GFRA2: variants seen among roughly 807,000 people sequenced by gnomAD.
The protein encoded by GFRA2 is GDNF family receptor alpha-2.
A neutral mutation model predicts 48.3 loss-of-function variants in GFRA2; 17 were observed. That is an observed-to-expected ratio of 0.35 (90% CI 0.24 to 0.53). The LOEUF (loss-of-function observed/expected upper bound fraction) is 0.53. Among genes scored for constraint, GFRA2 ranks in the 20% least tolerant of loss-of-function variants. GFRA2 has a pLI of 0.93. For synonymous variants in GFRA2, 305 were observed against 257.2 expected, an observed-to-expected ratio of 1.19 and a Z score of -1.78; for missense variants, 660 against 637.3, an observed-to-expected ratio of 1.04 and a Z score of -0.38.
intron 3 of GFRA2, among the ~76,000 whole-genome samples, chr8:21,759,485 A>AGAAGGAAGGAAGGAAGGAAGGAAGGAAG (rs1161834899): frequency 2.8e-5 from 2 of 71,776 alleles, no homozygotes; most frequent in Non-Finnish European, 5.2e-5. Context: ...AAAGAAGGAA[A>AGAAGGAAGGAAGGAAGGAAGGAAGGAAG]GAAGGAAGGA....
intron 4 of GFRA2, among the ~76,000 whole-genome samples, chr8:21,735,638 A>G (rs1343948647): frequency 6.6e-6 from 1 of 152,086 alleles, no homozygotes; most frequent in Non-Finnish European, 1.5e-5. Context: ...AGAAACAACA[A>G]TATAGCCAGG....
chr8:21,733,989 G>A (rs932353540), intron 4 of GFRA2, among the ~76,000 whole-genome samples: 17 of 152,204 alleles, frequency 1.1e-4, no homozygotes, highest in Non-Finnish European at 8.8e-5. Flanking sequence ...CACAGGGGAG[G>A]GAGGGCAGGG....
At chr8:21,809,528 C>T (rs549991629) in intron 1 of GFRA2, among the ~76,000 whole-genome samples, 2 of 152,150 alleles carry the variant, frequency 1.3e-5, no homozygotes, top group Non-Finnish European at 2.9e-5. Flanking sequence ...GGGGTTTCAC[C>T]GTGTTAGCCA....
intron 3 of GFRA2, among the ~76,000 whole-genome samples, chr8:21,763,099 A>C (rs1159329827): frequency 1.3e-5 from 2 of 152,246 alleles, no homozygotes; most frequent in African/African-American, 4.8e-5. Context: ...TTAGCTTCCC[A>C]AAAACTGAAT....
At chr8:21,786,556 G>A (rs902818122) in intron 1 of GFRA2, among the ~76,000 whole-genome samples, 3 of 152,214 alleles carry the variant, frequency 2.0e-5, no homozygotes, top group African/African-American at 7.2e-5. Flanking sequence ...AGGGTTGACA[G>A]GAAGGGCTTC....
intron 4 of GFRA2, among the ~76,000 whole-genome samples, chr8:21,725,565 T>C (rs1026121095): frequency 6.6e-6 from 1 of 152,244 alleles, no homozygotes; most frequent in African/African-American, 2.4e-5. Context: ...AAACTCAAAA[T>C]AAATAATAAT....
At chr8:21,803,874 A>G (rs2117116817) in intron 2 of GFRA2, among the ~76,000 whole-genome samples, 1 of 152,258 alleles carries the variant, frequency 6.6e-6, no homozygotes, top group Non-Finnish European at 1.5e-5. Flanking sequence ...GACCCAAAGC[A>G]CTGGGATTAC....
intron 5 of GFRA2, among the ~76,000 whole-genome samples, chr8:21,705,346 T>G (rs1211835844): frequency 6.6e-6 from 1 of 152,132 alleles, no homozygotes; most frequent in Non-Finnish European, 1.5e-5. Flanking sequence ...TAGAGGACAC[T>G]GGGCTCCTTG....
chr8:21,695,037 G>C (rs988271919), intron 7 of GFRA2, among the ~76,000 whole-genome samples: 1 of 152,188 alleles, frequency 6.6e-6, no homozygotes, highest in African/African-American at 2.4e-5. Flanking sequence ...GGCTTGAGGG[G>C]AAGAGAGGCA....
At chr8:21,745,357 G>A (rs747748646) in intron 4 of GFRA2, among the ~76,000 whole-genome samples, 4 of 152,176 alleles carry the variant, frequency 2.6e-5, no homozygotes, top group South Asian at 2.1e-4. Flanking sequence ...TATCAGGGCC[G>A]GGTGCTGTAG....
In GFRA2 at chr8:21,782,606, TGCTCCAGTAGATCTGCAGACACTGCA is replaced by T; in HGVS notation, c.308_333del (p.Leu103HisfsTer9). ...TTACCCTCGGTCAGCCCCAGGTGGA[TGCTCCAGTAGATCTGCAGACACTGCA>T]GCTCCTTCTTCATGCCCCGCTTGCA... On this transcript the variant is annotated frameshift_variant, in exon 2 of 9. Coordinates refer to ENST00000524240, the MANE Select transcript of GFRA2 (RefSeq NM_001495.5). LOFTEE classifies it high-confidence loss of function. 6.3e-7 allele frequency: 1 copy of T among 1,582,360 alleles called. No individual in the cohort carries two copies. The highest frequency in any genetic ancestry group is 1.8e-5 in the Admixed American group (1 of 55,870).
intron 3 of GFRA2, among the ~76,000 whole-genome samples, chr8:21,752,609 C>A (rs1805350393): frequency 6.6e-6 from 1 of 152,010 alleles, no homozygotes; most frequent in Admixed American, 6.5e-5. Flanking sequence ...AGATTTATAC[C>A]CCCGGACGAG....
intron 4 of GFRA2, among the ~76,000 whole-genome samples, chr8:21,715,255 TG>T (rs1406431369): frequency 1.3e-5 from 2 of 152,202 alleles, no homozygotes; most frequent in Non-Finnish European, 2.9e-5. Flanking sequence ...GCAGCTCCCC[TG>T]GGGTGGGCTG....
intron 7 of GFRA2, among the ~76,000 whole-genome samples, chr8:21,700,102 C>T (rs997741311): frequency 1.3e-5 from 2 of 152,130 alleles, no homozygotes; most frequent in East Asian, 1.9e-4. Context: ...CAAGGAGAGA[C>T]GTCTTACTCA....
rs1802032776 is a variant in GFRA2, at chr8:21,694,077, T to TTTATATATATATATATATATATATATATA, written c.1272+386_1272+387insTATATATATATATATATATATATATATAA. Among the ~76,000 whole-genome samples the TTTATATATATATATATATATATATATATA allele has an allele frequency of 6.7e-4, 73 of 109,260 alleles. 2 individuals are homozygous for TTTATATATATATATATATATATATATATA. Among genetic ancestry groups the TTTATATATATATATATATATATATATATA allele is most frequent in the Non-Finnish European group, 1.3e-3 (64 of 50,138 alleles). The allele number at this position is 109,260 out of a possible 152,430, so 71.7% of individuals were successfully genotyped here. On this transcript the variant is annotated intron_variant, in intron 8 of 8. Transcript: ENST00000524240. ...TATTTATATATATATTTATTTATTT[T>TTTATATATATATATATATATATATATATA]TATATATATATATATTTCCTATAGT...
intron 4 of GFRA2, among the ~76,000 whole-genome samples, chr8:21,742,193 C>T (rs976776642): frequency 6.6e-6 from 1 of 152,056 alleles, no homozygotes; most frequent in African/African-American, 2.4e-5. Flanking sequence ...TATGTTAAAC[C>T]CCTAATCTCC....
chr8:21,703,084 T>C, intron 6 of GFRA2, 107 bp from the exon 7 acceptor site: 1 of 684,164 alleles, frequency 1.5e-6, no homozygotes, highest in Non-Finnish European at 2.3e-6. Context: ...CCTGGAATGG[T>C]CCAGAAGCCA....
intron 3 of GFRA2, among the ~76,000 whole-genome samples, chr8:21,756,410 C>T (rs919291923): frequency 6.6e-6 from 1 of 152,186 alleles, no homozygotes; most frequent in Admixed American, 6.5e-5. Context: ...AGAAAAGACC[C>T]CAGGAGCGGG....
chr8:21,714,243 G>GTTTTTT (rs1385783305), intron 4 of GFRA2, among the ~76,000 whole-genome samples: 14 of 46,022 alleles, frequency 3.0e-4, no homozygotes, highest in East Asian at 9.4e-4. Context: ...CTGGTCTGAA[G>GTTTTTT]TTCTTTTTTT....
Sources: allele counts gnomAD v4.1 joint callset (sites outside exome capture counted in the v4.1 genomes callset), GRCh38; gene constraint gnomAD v4.1.1; transcripts MANE v1.5; gene names NCBI Gene and HGNC (gene_info 2026-07-23, HGNC 2026-07-21).